Variants in BRCA1 observed in about 807,000 individuals in gnomAD.
BRCA1 encodes the protein breast cancer type 1 susceptibility protein.
BRCA1 carries 140 observed loss-of-function variants against 173.7 expected under a neutral mutation model. The observed-to-expected ratio is 0.81, with a 90% CI of 0.70 to 0.93. The LOEUF is 0.93. Among genes scored for constraint, BRCA1 ranks in the 40% least tolerant of loss-of-function variants. The probability of loss-of-function intolerance (pLI) is 0.00; values close to 1 mark genes in which losing one functional copy is unlikely to be tolerated. For missense variants in BRCA1, 1,983 were observed against 2,172.5 expected, an observed-to-expected ratio of 0.91 and a Z score of 1.73; for synonymous variants, 662 against 756.0, an observed-to-expected ratio of 0.88 and a Z score of 2.04.
At chr17:43,105,768 CA>C (rs2054734129) in intron 4 of BRCA1, among the ~76,000 whole-genome samples, 1 of 152,088 alleles carries the variant, frequency 6.6e-6, no homozygotes, top group Admixed American at 6.6e-5. Flanking sequence ...TTGAGACAGA[CA>C]AAATTACTAC....
At chr17:43,076,885 A>G (rs1389118750) in intron 12 of BRCA1, among the ~76,000 whole-genome samples, 3 of 149,914 alleles carry the variant, frequency 2.0e-5, no homozygotes, top group African/African-American at 7.3e-5. Context: ...GACAAGGCTG[A>G]AAAAAAAAAT....
chr17:43,153,051 A>C (rs549876401), intron 1 of BRCA1, among the ~76,000 whole-genome samples: 28 of 152,054 alleles, frequency 1.8e-4, no homozygotes, highest in African/African-American at 6.0e-4. Context: ...AATAATAATA[A>C]AAATAAATAA....
At position 43,082,686 on chromosome 17, in the gene BRCA1, T is replaced by C. The variant is rs1428917383; in HGVS notation, c.4186-111A>G. 2.5e-6 allele frequency: 3 copies of C among 1,178,680 alleles called. No individual in the cohort carries two copies. In the African/African-American group the frequency reaches 4.6e-5, roughly 18 times the overall value. 73.0% of individuals were successfully genotyped at this position (1,178,680 alleles called of 1,614,324 possible). ...TAGCACAGGAATTGAAATCACCTAG[T>C]ATGGAACTACAAGTTCTAGCTGAAC... On this transcript the variant is annotated intron_variant, in intron 11 of 22. Coordinates refer to ENST00000357654, the MANE Select transcript of BRCA1 (RefSeq NM_007294.4).
At chr17:43,110,182 C>A (rs1291471691) in intron 3 of BRCA1, among the ~76,000 whole-genome samples, 1 of 152,098 alleles carries the variant, frequency 6.6e-6, no homozygotes, top group African/African-American at 2.4e-5. Context: ...GCGTGAGCCA[C>A]CGCACCCGGC....
intron 12 of BRCA1, among the ~76,000 whole-genome samples, chr17:43,081,072 C>T (rs917877250): frequency 3.9e-5 from 6 of 152,022 alleles, no homozygotes; most frequent in Admixed American, 3.3e-4. Flanking sequence ...AATAAACACA[C>T]GTATATACCA....
chr17:43,145,568 C>T (rs1430343278), intron 1 of BRCA1, among the ~76,000 whole-genome samples: 10 of 152,176 alleles, frequency 6.6e-5, no homozygotes, highest in South Asian at 2.1e-4. Flanking sequence ...CCTCGTGATC[C>T]GCCCGCCTCG....
intron 1 of BRCA1, among the ~76,000 whole-genome samples, chr17:43,131,556 C>A (rs2055965739): frequency 2.0e-5 from 3 of 151,948 alleles, no homozygotes; most frequent in Middle Eastern, 6.8e-3. Flanking sequence ...CCCGTCTCTA[C>A]TAAAAATACA....
rs961042365 is a variant in BRCA1, at chr17:43,092,789, C to T, written c.2742G>A (p.Glu914=). ...CTGTCTGTACAGGCTTGATATTAGACTCATTCTTTCCTTGATTTTCTTCCT... is the reference window on the plus strand; with the variant it reads ...CTGTCTGTACAGGCTTGATATTAGATTCATTCTTTCCTTGATTTTCTTCCT... ...EQKEENQGKN[E]SNIKPVQTVN... The change falls in exon 10 of 23, where the codon GAG becomes GAA. Residue 914 remains glutamate, a synonymous_variant. Coordinates refer to ENST00000357654, the MANE Select transcript of BRCA1 (RefSeq NM_007294.4). 3 of 1,613,872 alleles carry T rather than the reference C, an allele frequency of 1.9e-6. No homozygotes were observed. Among genetic ancestry groups the T allele is most frequent in the Admixed American group, 3.3e-5 (2 of 59,980 alleles).
chr17:43,166,256 T>C (rs2056267695), intron 1 of BRCA1: 1 of 152,084 alleles, frequency 6.6e-6, no homozygotes, highest in Non-Finnish European at 1.5e-5. Flanking sequence ...CTTTCCTTTC[T>C]CTCTCTCTGC....
chr17:43,143,044 GTA>G (rs1403518955), intron 1 of BRCA1, among the ~76,000 whole-genome samples: 1 of 148,612 alleles, frequency 6.7e-6, no homozygotes, highest in African/African-American at 2.5e-5. Context: ...GTATATATAT[GTA>G]TATATGTGTA....
Position 43,072,014 on chromosome 17 carries a change from AT to A in BRCA1, c.4676-777del, listed in dbSNP as rs200424092. 5.7e-3 allele frequency among the ~76,000 whole-genome samples: 856 copies of A among 151,330 alleles called. 36 individuals are homozygous for A. In the East Asian group the frequency reaches 0.1, roughly 18 times the overall value. ...CAGAGCGAGACTCCGTCTCAAAAAA[AT>A]AAATAAATAAAAATAAATAAATAAA... is the stretch of plus-strand genomic sequence containing the variant. On this transcript the variant is annotated intron_variant, in intron 14 of 22. Transcript: ENST00000357654.
intron 1 of BRCA1, among the ~76,000 whole-genome samples, chr17:43,131,830 C>T (rs1346070805): frequency 6.6e-6 from 1 of 152,100 alleles, no homozygotes; most frequent in African/African-American, 2.4e-5. Context: ...GTCATCCAGG[C>T]TGCAGTGCAG....
chr17:43,057,926 A>G (rs971030063), intron 18 of BRCA1, among the ~76,000 whole-genome samples: 2 of 146,948 alleles, frequency 1.4e-5, no homozygotes, highest in African/African-American at 2.5e-5. Flanking sequence ...AAGCTGAGGC[A>G]TGAGAATTGC....
chr17:43,080,676 G>A (rs1597845479), intron 12 of BRCA1, among the ~76,000 whole-genome samples: 1 of 152,148 alleles, frequency 6.6e-6, no homozygotes, highest in East Asian at 1.9e-4. Context: ...GGGTATGGTG[G>A]TGGACGCCTA....
In BRCA1 at chr17:43,145,321, TTTTC is replaced by T. The variant is rs377548586; in HGVS notation, c.-19-21210_-19-21207del. The stretch of plus-strand genomic sequence containing the variant: ...CTTCTTTACAATTCAGAGGAATTTT[TTTTC>T]TTTCTTTTTTTTTTTTTTTGAGACA... On this transcript the variant is annotated intron_variant, in intron 1 of 7. Transcript: ENST00000634433. 6.6e-4 allele frequency: 310 copies of T among 467,374 alleles called. 1 individual carries two copies. The highest frequency in any genetic ancestry group is 5.7e-3 in the African/African-American group (258 of 45,208). The allele number at this position is 467,374 out of a possible 1,614,324, so 29.0% of individuals were successfully genotyped here.
In BRCA1 at chr17:43,091,724, G is replaced by C. The variant is rs786202569; in HGVS notation, c.3807C>G (p.Asp1269Glu). Residue 1269 changes from aspartate (D) to glutamate (E), a missense_variant, in exon 10 of 23, where the codon GAC (aspartate) becomes GAG (glutamate). Coordinates refer to ENST00000357654, the MANE Select transcript of BRCA1 (RefSeq NM_007294.4). ...NLLSLKNSLN[D>E]CSNQVILAKA... is the part of the protein sequence containing the mutation. ...TTGCCAATATTACCTGGTTACTGCA[G>C]TCATTTAAGCTATTCTTCAATGATA... 1 of 1,614,218 alleles carries C rather than the reference G, an allele frequency of 6.2e-7. No homozygotes were observed. Among genetic ancestry groups the C allele is most frequent in the South Asian group, 1.1e-5 (1 of 91,084 alleles).
chr17:43,160,351 C>T (rs1250099973), intron 1 of BRCA1: 3 of 152,002 alleles, frequency 2.0e-5, no homozygotes, highest in Non-Finnish European at 2.9e-5. Context: ...AAGAGCCGAG[C>T]CCCCGCCCCG....
chr17:43,082,459 A>T lies in BRCA1; in HGVS notation c.4302T>A (p.Ser1434Arg), dbSNP rs2154150591. Residue 1434 changes from serine to arginine, a missense_variant, in exon 12 of 23, where the codon AGT (serine) becomes AGA (arginine). Physicochemically the swap from Ser to Arg is moderately radical, Grantham distance 110 (BLOSUM62 -1). Coordinates refer to ENST00000357654, the MANE Select transcript of BRCA1 (RefSeq NM_007294.4). ...GCAGGTCCTCAAGGGCAGAAGAGTC[A>T]CTTATGATGGAAGGGTAGCTGTTAG... ...QPSNSYPSII[S>R]DSSALEDLRN... 6.2e-7 allele frequency: 1 copy of T among 1,614,172 alleles called. No homozygotes were observed. Among genetic ancestry groups the T allele is most frequent in the Non-Finnish European group, 8.5e-7 (1 of 1,180,024 alleles).
At chr17:43,100,510 T>TTG (rs1211111026) in intron 6 of BRCA1, among the ~76,000 whole-genome samples, 38 of 101,344 alleles carry the variant, frequency 3.7e-4, no homozygotes, top group African/African-American at 5.7e-4. Context: ...CCTGGCTAAT[T>TTG]TGTGTGTGTG....
Sources: gnomAD v4.1 joint callset for allele counts (sites outside exome capture counted in the v4.1 genomes callset) on GRCh38, gnomAD v4.1.1 for gene constraint, MANE v1.5 for transcripts, NCBI Gene and HGNC (gene_info 2026-07-23, HGNC 2026-07-21) for gene names.